TMEM59L: variants seen among roughly 807,000 people sequenced by gnomAD.
The protein encoded by TMEM59L is transmembrane protein 59-like.
TMEM59L carries 31 observed loss-of-function variants against 39.6 expected under a neutral mutation model. The observed-to-expected ratio is 0.78, with a 90% confidence interval of 0.59 to 1.06. TMEM59L has a LOEUF of 1.06. Ranked by LOEUF, TMEM59L falls within the 50% of genes least tolerant of loss-of-function variation. The pLI is 0.00. For missense variants in TMEM59L, 441 were observed against 451.3 expected, an observed-to-expected ratio of 0.98 and a Z score of 0.21; for synonymous variants, 219 against 202.9, an observed-to-expected ratio of 1.08 and a Z score of -0.68.
At chr19:18,614,449 G>C (rs771328990) in intron 3 of TMEM59L, among the ~76,000 whole-genome samples, 2 of 152,194 alleles carry the variant, frequency 1.3e-5, no homozygotes, top group Admixed American at 6.5e-5. Flanking sequence ...GTCCTGGTTC[G>C]GGCCTGACTT....
intron 7 of TMEM59L, among the ~76,000 whole-genome samples, chr19:18,619,973 T>TCTCA (rs1491520679): frequency 2.6e-5 from 3 of 116,920 alleles, no homozygotes; most frequent in South Asian, 5.9e-4. Flanking sequence ...GAAGACCCCA[T>TCTCA]CACACACACA....
Position 18,616,072 on chromosome 19 carries a change from C to T in TMEM59L, c.506C>T (p.Ser169Phe), listed in dbSNP as rs768957486. 1.5e-4 allele frequency: 237 copies of T among 1,613,982 alleles called. No individual in the cohort carries two copies. Among genetic ancestry groups the T allele is most frequent in the Non-Finnish European group, 1.9e-4 (230 of 1,180,008 alleles). The change falls in exon 4 of 8, where the codon TCC becomes TTC. Residue 169 changes from serine (S) to phenylalanine (F), a missense_variant. Ser to Phe is a radical substitution (Grantham distance 155). Coordinates refer to ENST00000262817, the MANE Select transcript of TMEM59L (RefSeq NM_012109.3). ...GTCAACTCAGCCCAGGGATTTGTCT[C>T]CTCCACCTGGACATACTACTTGCAG... ...DLVNSAQGFV[S>F]STWTYYLQTD...
intron 5 of TMEM59L, chr19:18,617,371 C>T (rs760177599): frequency 6.7e-5 from 38 of 564,070 alleles, no homozygotes; most frequent in South Asian, 2.3e-4. Flanking sequence ...TACCAGGGAT[C>T]CGTGGTCCAC....
chr19:18,617,863 G>A, intron 5 of TMEM59L: 1 of 473,910 alleles, frequency 2.1e-6, no homozygotes, highest in South Asian at 2.1e-5. Flanking sequence ...CATCTTCTAG[G>A]GTCATCTCCT....
chr19:18,614,339 G>A (rs1167480953), intron 3 of TMEM59L, 144 bp downstream of exon 3: 10 of 881,162 alleles, frequency 1.1e-5, no homozygotes, highest in African/African-American at 6.7e-5. Flanking sequence ...ATCCAGCCCC[G>A]TCATGTCTCC....
At chr19:18,618,687 ATAAT>A (rs1568447569) in intron 7 of TMEM59L, among the ~76,000 whole-genome samples, 195 bp downstream of exon 7, 2 of 131,400 alleles carry the variant, frequency 1.5e-5, no homozygotes, top group Non-Finnish European at 3.2e-5. Context: ...ATATATATAT[ATAAT>A]ATATATATAT....
At position 18,612,987 on chromosome 19, in the gene TMEM59L, C is replaced by T; in HGVS notation, c.29C>T (p.Pro10Leu). The T allele has an allele frequency of 2.2e-6, 3 of 1,360,554 alleles. No individual in the cohort carries two copies. The highest frequency in any genetic ancestry group is 1.9e-6 in the Non-Finnish European group (2 of 1,060,522). The allele number at this position is 1,360,554 out of a possible 1,614,324, so 84.3% of individuals were successfully genotyped here. ...GCTGCGGTGGCGCTGATGCCACCGCCGCTGCTGCTGCTGCTGCTGTTGGCG... is the reference window on the plus strand; with the variant it reads ...GCTGCGGTGGCGCTGATGCCACCGCTGCTGCTGCTGCTGCTGCTGTTGGCG... Reference protein sequence around the residue: MAAVALMPPPLLLLLLLASP... With the variant: MAAVALMPPLLLLLLLLASP... The change falls in exon 1 of 8, where the codon CCG becomes CTG. Residue 10 changes from proline (P) to leucine (L), a missense_variant. Coordinates refer to ENST00000262817, the MANE Select transcript of TMEM59L (RefSeq NM_012109.3). The surrounding 1 kb of genome is among the most constrained non-coding windows in gnomAD (Gnocchi z 6.2).
chr19:18,618,305 G>A, intron 6 of TMEM59L, 33 bp downstream of exon 6: 2 of 504,234 alleles, frequency 4.0e-6, no homozygotes, highest in Non-Finnish European at 4.0e-6. Flanking sequence ...TGGGAGGGGG[G>A]TGGGACTGGA....
At chr19:18,613,825 T>C in intron 1 of TMEM59L, 47 bp from the exon 2 acceptor site, 3 of 926,992 alleles carry the variant, frequency 3.2e-6, no homozygotes, top group Non-Finnish European at 3.3e-6. Context: ...CCCACCCTCC[T>C]CCTGCCCCTC....
At chr19:18,618,067 C>T in intron 5 of TMEM59L, 88 bp from the exon 6 acceptor site, 1 of 961,110 alleles carries the variant, frequency 1.0e-6, no homozygotes. Flanking sequence ...CTCTATGCCC[C>T]AGGTCCTGAC....
chr19:18,618,789 G>A (rs964578308), intron 7 of TMEM59L, among the ~76,000 whole-genome samples: 5 of 150,846 alleles, frequency 3.3e-5, no homozygotes, highest in African/African-American at 1.2e-4. Flanking sequence ...CCACCTCCTG[G>A]GTTCAAGCAA....
chr19:18,617,189 G>A (rs761117482), intron 5 of TMEM59L, 87 bp downstream of exon 5: 30 of 983,246 alleles, frequency 3.1e-5, no homozygotes, highest in Non-Finnish European at 4.3e-5. Context: ...TTCTAGGATC[G>A]GGATCTCCAT....
In TMEM59L at chr19:18,613,275, T is replaced by A. The variant is rs1976390258; in HGVS notation, c.171+146T>A. ...GGTGGGGGTCGGGAATGGGGAGATC[T>A]CTCCAGTAGTTGACGGGCTGGGGTT... On this transcript the variant is annotated intron_variant, in intron 1 of 7. Coordinates refer to ENST00000262817, the MANE Select transcript of TMEM59L (RefSeq NM_012109.3). The A allele has an allele frequency of 5.7e-6, 5 of 879,094 alleles. No individual in the cohort carries two copies. The African/African-American group carries it at 7.0e-5, about 12-fold the overall frequency. 54.5% of individuals were successfully genotyped at this position (879,094 alleles called of 1,614,324 possible). A position where few individuals can be genotyped will look rare whatever the true frequency, so the allele number is the denominator to read the frequency against.
chr19:18,620,022 A>G (rs200103707), intron 7 of TMEM59L, among the ~76,000 whole-genome samples: 1 of 120,620 alleles, frequency 8.3e-6, no homozygotes, highest in African/African-American at 2.9e-5. Context: ...CACACACACA[A>G]AAGTCCAGGT....
rs142406694 is a variant in TMEM59L at position 18,616,590 on chromosome 19, G to A, written c.562-410G>A. On this transcript the variant is annotated intron_variant, in intron 4 of 7. Transcript: ENST00000262817. ...GTATTTTTAGTGGAGACGGGGTTTC[G>A]CCATGTTGGCCAGGCTGGTCTCGAA... Among the ~76,000 whole-genome samples the A allele has an allele frequency of 9.2e-3, 1,395 of 152,010 alleles. 6 individuals carry two copies. The highest frequency in any genetic ancestry group is 0.016 in the South Asian group (77 of 4,812).
intron 2 of TMEM59L, 31 bp from the exon 3 acceptor site, chr19:18,614,073 G>T: frequency 6.2e-7 from 1 of 1,612,588 alleles, no homozygotes; most frequent in Non-Finnish European, 8.5e-7. Context: ...GGGAAGGGCC[G>T]TCCCCAGTCA....
chr19:18,613,997 C>G lies in TMEM59L; in HGVS notation c.297C>G (p.Thr99=). The part of the protein sequence containing the change: ...FVARSSKPNA[T]QTECEAACVE... Reference sequence around the variant, plus strand: ...CCAGAAGCTCCAAGCCCAATGCCACCCAAACTGAGTGTGAAGCAGGTGAGG... The same window carrying G: ...CCAGAAGCTCCAAGCCCAATGCCACGCAAACTGAGTGTGAAGCAGGTGAGG... The change falls in exon 2 of 8, where the codon ACC becomes ACG. Residue 99 remains threonine, a synonymous_variant. Transcript: ENST00000262817. The G allele has an allele frequency of 6.2e-7, 1 of 1,613,410 alleles. No individual in the cohort carries two copies. Among genetic ancestry groups the G allele is most frequent in the Non-Finnish European group, 8.5e-7 (1 of 1,180,018 alleles).
intron 6 of TMEM59L, 33 bp from the exon 7 acceptor site, chr19:18,618,342 G>A: frequency 6.2e-7 from 1 of 1,609,176 alleles, no homozygotes; most frequent in Non-Finnish European, 8.5e-7. Context: ...GTCCCGGCCT[G>A]GGCAGCTGAG....
chr19:18,613,711 GC>G (rs1228850250), intron 1 of TMEM59L, among the ~76,000 whole-genome samples, 160 bp from the exon 2 acceptor site: 1 of 151,978 alleles, frequency 6.6e-6, no homozygotes, highest in East Asian at 1.9e-4. Context: ...AGAGCTAAGA[GC>G]CCCCACTAAT....
Sources: gnomAD v4.1 joint callset for allele counts (sites outside exome capture counted in the v4.1 genomes callset) on GRCh38, gnomAD v4.1.1 for gene constraint, Gnocchi (gnomAD v3.1) non-coding constraint, MANE v1.5 for transcripts, NCBI Gene and HGNC (gene_info 2026-07-23, HGNC 2026-07-21) for gene names.